DDX60: variants seen among roughly 807,000 people sequenced by gnomAD.
DDX60 encodes DExD/H-box helicase 60.
Under a neutral mutation model 212.8 loss-of-function variants are expected in DDX60, and 165 were observed. The ratio of observed to expected loss-of-function variants is 0.78; its 90% CI spans 0.68 to 0.88. The LOEUF (loss-of-function observed/expected upper bound fraction) is 0.88, where lower values mean the gene tolerates loss of function less well. DDX60 is among the 40% of genes least tolerant of loss of function. DDX60 has a pLI of 0.00. For missense variants in DDX60, 1,905 were observed against 2,003.9 expected (o/e 0.95, Z 0.94); for synonymous variants, 703 against 685.3 (o/e 1.03, Z -0.40).
chr4:168,255,618 T>A, intron 26 of DDX60, 93 bp downstream of exon 26: 2 of 1,139,520 alleles, frequency 1.8e-6, no homozygotes. Flanking sequence ...CAACTAGAAC[T>A]TATTTATAGA....
At chr4:168,284,753 C>A in intron 12 of DDX60, 67 bp downstream of exon 12, 1 of 753,234 alleles carries the variant, frequency 1.3e-6, no homozygotes, top group South Asian at 3.4e-5. Context: ...GATAATTTTC[C>A]ACTATAAAAT....
At chr4:168,241,092 TTC>T (rs1459575520) in intron 30 of DDX60, among the ~76,000 whole-genome samples, 8 of 152,108 alleles carry the variant, frequency 5.3e-5, no homozygotes, top group Non-Finnish European at 1.0e-4. Context: ...CACAAGCTTG[TTC>T]TCTCTTTGCC....
intron 30 of DDX60, among the ~76,000 whole-genome samples, chr4:168,239,609 T>A (rs1733767628): frequency 6.6e-6 from 1 of 152,056 alleles, no homozygotes; most frequent in African/African-American, 2.4e-5. Flanking sequence ...CTTCACTATG[T>A]AATGTTAGAG....
At chr4:168,268,559 T>C (rs1224850577) in intron 20 of DDX60, among the ~76,000 whole-genome samples, 1 of 152,046 alleles carries the variant, frequency 6.6e-6, no homozygotes, top group Non-Finnish European at 1.5e-5. Context: ...TTTTATTTCT[T>C]GGTGAAGGAC....
rs33910888 is a variant in DDX60 at position 168,268,978 on chromosome 4, CAA to C, written c.2671-11_2671-10del. ...CCACCAAGACAATGAACCTATTAAA[CAA>C]AAAAAAAAAAATCTCAACTGAAAAG... On this transcript the variant is annotated splice_polypyrimidine_tract_variant and intron_variant, in intron 19 of 37. Coordinates refer to ENST00000393743, the MANE Select transcript of DDX60 (RefSeq NM_017631.6). 0.017 allele frequency: 18,602 copies of C among 1,109,728 alleles called. 3 individuals are homozygous for C. The highest frequency in any genetic ancestry group is 0.032 in the South Asian group (1,718 of 54,018). The allele number at this position is 1,109,728 out of a possible 1,614,324, so 68.7% of individuals were successfully genotyped here.
intron 24 of DDX60, among the ~76,000 whole-genome samples, chr4:168,261,602 G>A (rs769945970): frequency 3.9e-5 from 6 of 152,126 alleles, no homozygotes; most frequent in Middle Eastern, 3.2e-3. Flanking sequence ...CCTACAACTT[G>A]AAATAAGAAG....
chr4:168,263,279 C>T (rs1303865140), intron 22 of DDX60, among the ~76,000 whole-genome samples: 4 of 152,138 alleles, frequency 2.6e-5, no homozygotes, highest in African/African-American at 9.7e-5. Context: ...TTCAAGACTC[C>T]AAGAAATTTC....
At chr4:168,275,760 G>C (rs1735306912) in intron 15 of DDX60, among the ~76,000 whole-genome samples, 1 of 152,072 alleles carries the variant, frequency 6.6e-6, no homozygotes, top group Admixed American at 6.6e-5. Context: ...GAGATGTTTT[G>C]CTAGAATTAA....
intron 8 of DDX60, among the ~76,000 whole-genome samples, chr4:168,290,332 T>TC (rs1176912669): frequency 1.4e-5 from 2 of 147,158 alleles, no homozygotes; most frequent in East Asian, 2.0e-4. Flanking sequence ...TCTTTTCTTT[T>TC]TTTTTTTTTT....
At chr4:168,288,747 C>A (rs1735968646) in intron 8 of DDX60, among the ~76,000 whole-genome samples, 1 of 152,192 alleles carries the variant, frequency 6.6e-6, no homozygotes, top group Admixed American at 6.5e-5. Context: ...CTAGAAGATG[C>A]TGAATCCTTC....
rs376481487 is a variant in DDX60, at chr4:168,270,213, G to C, written c.2671-1244C>G. On this transcript the variant is annotated intron_variant, in intron 19 of 37. Transcript: ENST00000393743. The stretch of plus-strand genomic sequence containing the variant: ...AGGAGGCACTCCTTAAATATCTGCT[G>C]AGTAAATGAACGGATGAGCAAATCA... Among the ~76,000 whole-genome samples the C allele has an allele frequency of 6.6e-5, 10 of 152,330 alleles. No individual in the cohort carries two copies. In the East Asian group the frequency reaches 1.5e-3, roughly 23 times the overall value.
chr4:168,220,119 C>T (rs1341586334), intron 37 of DDX60, among the ~76,000 whole-genome samples: 1 of 152,064 alleles, frequency 6.6e-6, no homozygotes, highest in Non-Finnish European at 1.5e-5. Context: ...ATGGGGTACC[C>T]ACATAAAGTT....
rs139764417 is a variant in DDX60, at chr4:168,314,455, T to G, written c.-106-3090A>C. 2.9e-3 allele frequency among the ~76,000 whole-genome samples: 449 copies of G among 152,256 alleles called. 1 individual carries two copies. The highest frequency in any genetic ancestry group is 1.0e-2 in the African/African-American group (414 of 41,558). ...CCTTCAAAATTTTCTAATTACTGCT[T>G]TCAAAGAATTAAAAATATTTCTCAT... On this transcript the variant is annotated intron_variant, in intron 1 of 37. Coordinates refer to ENST00000393743, the MANE Select transcript of DDX60 (RefSeq NM_017631.6).
Position 168,267,583 on chromosome 4 carries a change from T to C in DDX60, c.3038A>G (p.His1013Arg), listed in dbSNP as rs1734901888. 3 of 1,516,770 alleles carry C rather than the reference T, an allele frequency of 2.0e-6. No homozygotes were observed. The highest frequency in any genetic ancestry group is 1.4e-5 in the South Asian group (1 of 73,208). 94.0% of individuals were successfully genotyped at this position (1,516,770 alleles called of 1,614,324 possible). A position where few individuals can be genotyped will look rare whatever the true frequency, so the allele number is the denominator to read the frequency against. ...FHPCAALTTD[H>R]IERYGFPPDL... ...AAATATGGCTAAAATATTACCTACA[T>C]GATCTGTTGTTAGTGCAGCACATGG... is the stretch of plus-strand genomic sequence containing the variant. Residue 1013 changes from histidine to arginine, a missense_variant and splice_region_variant, in exon 22 of 38, where the codon CAT (histidine) becomes CGT (arginine). Coordinates refer to ENST00000393743, the MANE Select transcript of DDX60 (RefSeq NM_017631.6).
intron 14 of DDX60, among the ~76,000 whole-genome samples, chr4:168,278,009 T>G (rs930387540): frequency 6.6e-6 from 1 of 152,094 alleles, no homozygotes; most frequent in Non-Finnish European, 1.5e-5. Flanking sequence ...GTAGCCACCT[T>G]GATGATCAGA....
chr4:168,274,468 C>T (rs919962633), intron 16 of DDX60, among the ~76,000 whole-genome samples: 3 of 152,186 alleles, frequency 2.0e-5, no homozygotes, highest in African/African-American at 7.2e-5. Context: ...TGATATTCTA[C>T]TTTCTACATA....
chr4:168,322,074 C>A (rs1479189533), upstream of DDX60, among the ~76,000 whole-genome samples: 1 of 152,168 alleles, frequency 6.6e-6, no homozygotes, highest in Non-Finnish European at 1.5e-5. Flanking sequence ...TGATCTGGAA[C>A]TGCTCTGTCA....
Position 168,317,302 on chromosome 4 carries a change from A to G in DDX60, c.-107+1320T>C, listed in dbSNP as rs563579241. ...AAACGAATAAATTAAAAGGGGATGA[A>G]AGAAATTGCAAGAACCTTATAAGGC... On this transcript the variant is annotated intron_variant, in intron 1 of 37. Coordinates refer to ENST00000393743, the MANE Select transcript of DDX60 (RefSeq NM_017631.6). 8.9e-4 allele frequency among the ~76,000 whole-genome samples: 135 copies of G among 152,234 alleles called. 1 individual carries two copies. The highest frequency in any genetic ancestry group is 2.7e-3 in the African/African-American group (113 of 41,556).
In DDX60 at chr4:168,237,768, G is replaced by A. The variant is rs766452761; in HGVS notation, c.4192C>T (p.Leu1398=). ...KVLSVLKHSL[L]SFKQPRVMDM... ...ATGACTCTGGGTTGCTTGAAGGACA[G>A]CAATGAATGCTTTAGCACTGATAGC... The change falls in exon 31 of 38, where the codon CTG becomes TTG. Residue 1398 remains leucine (L), a synonymous_variant. Transcript: ENST00000393743. 8.7e-6 allele frequency: 14 copies of A among 1,611,354 alleles called. No homozygotes were observed. Among genetic ancestry groups the A allele is most frequent in the Non-Finnish European group, 1.1e-5 (13 of 1,178,678 alleles).
Sources: allele counts gnomAD v4.1 joint callset (sites outside exome capture counted in the v4.1 genomes callset), GRCh38; gene constraint gnomAD v4.1.1; transcripts MANE v1.5; gene names NCBI Gene and HGNC (gene_info 2026-07-23, HGNC 2026-07-21).